TBX19: variants seen among roughly 807,000 people sequenced by gnomAD.
TBX19 encodes the protein T-box transcription factor TBX19.
Under a neutral mutation model 40.9 loss-of-function variants are expected in TBX19, and 33 were observed. That is an observed-to-expected ratio of 0.81 (90% CI 0.61 to 1.08). The LOEUF (loss-of-function observed/expected upper bound fraction) is 1.08. Among genes scored for constraint, TBX19 ranks in the 50% least tolerant of loss-of-function variants. The pLI, the probability that TBX19 is intolerant of heterozygous loss-of-function variation, is 0.00. For missense variants in TBX19, 494 were observed against 574.0 expected (o/e 0.86, Z 1.42); for synonymous variants, 220 against 225.0 (o/e 0.98, Z 0.20).
intron 1 of TBX19, among the ~76,000 whole-genome samples, chr1:168,290,508 A>G (rs376586134): frequency 6.6e-6 from 1 of 152,328 alleles, no homozygotes; most frequent in Admixed American, 6.5e-5. Flanking sequence ...AACTGGTCTC[A>G]CTTTGTACAG....
Position 168,285,261 on chromosome 1 carries a change from T to TCACA in TBX19, c.203+4004_203+4007dup, listed in dbSNP as rs36217752. On this transcript the variant is annotated intron_variant, in intron 1 of 7. Transcript: ENST00000367821. The stretch of plus-strand genomic sequence containing the variant: ...TGTCAGCATCCATGCACCATGTATG[T>TCACA]CACACACACACACACACACACACAC... Among the ~76,000 whole-genome samples, 234 of 148,166 alleles carry TCACA rather than the reference T, an allele frequency of 1.6e-3. 1 individual carries two copies. The highest frequency in any genetic ancestry group is 0.013 in the South Asian group (58 of 4,622).
chr1:168,307,382 A>G (rs1649430178), intron 6 of TBX19, among the ~76,000 whole-genome samples: 1 of 152,084 alleles, frequency 6.6e-6, no homozygotes, highest in Admixed American at 6.6e-5. Context: ...CATCACATGG[A>G]TGGTGGGGGA....
intron 6 of TBX19, among the ~76,000 whole-genome samples, chr1:168,307,442 A>G (rs1649431240): frequency 1.3e-5 from 2 of 152,130 alleles, no homozygotes; most frequent in African/African-American, 4.8e-5. Flanking sequence ...TCAGAAACCC[A>G]TTCCTGCAAT....
intron 5 of TBX19, 141 bp downstream of exon 5, chr1:168,300,624 C>T: frequency 1.2e-6 from 1 of 802,820 alleles, no homozygotes; most frequent in South Asian, 1.6e-5. Flanking sequence ...CTATTAAGGA[C>T]AAATTTGTGC....
chr1:168,298,824 T>TTTCC lies in TBX19; in HGVS notation c.665+1042_665+1043insCTTC, dbSNP rs1553289841. Among the ~76,000 whole-genome samples the TTTCC allele has an allele frequency of 1.8e-3, 24 of 13,338 alleles. 2 individuals carry two copies. Among genetic ancestry groups the TTTCC allele is most frequent in the South Asian group, 8.4e-3 (2 of 238 alleles). 8.8% of individuals were successfully genotyped at this position (13,338 alleles called of 152,430 possible). Reference sequence around the variant, plus strand: ...TCCCCTCCCTCCCTCCCTCCCTTCCTTTCTTTCTTTCTTTCTTTCTTTCTT... The same window carrying TTTCC: ...TCCCCTCCCTCCCTCCCTCCCTTCCTTTCCTTCTTTCTTTCTTTCTTTCTTTCTT... On this transcript the variant is annotated intron_variant, in intron 4 of 7. Transcript: ENST00000367821.
chr1:168,298,871 C>CTT (rs1372549195), intron 4 of TBX19, among the ~76,000 whole-genome samples: 1 of 107,076 alleles, frequency 9.3e-6, no homozygotes, highest in Non-Finnish European at 1.7e-5. Flanking sequence ...TTCTTTCTTT[C>CTT]TTTCTTTCTT....
chr1:168,290,909 C>T (rs926803742), intron 1 of TBX19, among the ~76,000 whole-genome samples: 1 of 152,112 alleles, frequency 6.6e-6, no homozygotes, highest in African/African-American at 2.4e-5. Flanking sequence ...GCTTCAGGTT[C>T]CTGTTGTGTC....
At position 168,291,397 on chromosome 1, in the gene TBX19, G is replaced by A. The variant is rs1299455966; in HGVS notation, c.441G>A (p.Leu147=). ...KAPISFSKVK[L]TNKLNGGGQI... ...CCATCTCCTTCAGCAAAGTGAAGCT[G>A]ACCAACAAGCTCAATGGAGGCGGGC... The change falls in exon 2 of 8, where the codon CTG becomes CTA. Residue 147 remains leucine, a synonymous_variant. Coordinates refer to ENST00000367821, the MANE Select transcript of TBX19 (RefSeq NM_005149.3). The A allele has an allele frequency of 1.9e-5, 30 of 1,614,072 alleles. No homozygotes were observed. The Admixed American group carries it at 4.8e-4, about 26-fold the overall frequency.
rs1299474935 is a variant in TBX19 at position 168,298,865 on chromosome 1, T to C, written c.665+1080T>C. Among the ~76,000 whole-genome samples the C allele has an allele frequency of 1.2e-4, 14 of 114,418 alleles. 2 individuals are homozygous for C. The highest frequency in any genetic ancestry group is 4.6e-4 in the African/African-American group (12 of 25,978). 75.1% of individuals were successfully genotyped at this position (114,418 alleles called of 152,430 possible). A position where few individuals can be genotyped will look rare whatever the true frequency, so the allele number is the denominator to read the frequency against. On this transcript the variant is annotated intron_variant, in intron 4 of 7. Transcript: ENST00000367821. ...TTTCTTTCTTTCTTTCTTTCTTTCTTTCTTTCTTTCTTTCTTTCTTTCTTT... is the reference window on the plus strand; with the variant it reads ...TTTCTTTCTTTCTTTCTTTCTTTCTCTCTTTCTTTCTTTCTTTCTTTCTTT...
chr1:168,282,357 C>A (rs1275523221), intron 1 of TBX19, among the ~76,000 whole-genome samples: 18 of 152,132 alleles, frequency 1.2e-4, no homozygotes, highest in Admixed American at 1.2e-3. Flanking sequence ...TGAACTATTT[C>A]TTGTCAATCT....
rs546487261 is a variant in TBX19 at position 168,290,323 on chromosome 1, A to G, written c.204-837A>G. Among the ~76,000 whole-genome samples the G allele has an allele frequency of 2.5e-4, 38 of 152,332 alleles. No homozygotes were observed. In the South Asian group the frequency reaches 7.9e-3, roughly 32 times the overall value. ...GTAGAAGAAGGATCGATGAATCTAGATCTGCATGTCTCAAAGTGTGTTCTT... is the reference window on the plus strand; with the variant it reads ...GTAGAAGAAGGATCGATGAATCTAGGTCTGCATGTCTCAAAGTGTGTTCTT... On this transcript the variant is annotated intron_variant, in intron 1 of 7. Coordinates refer to ENST00000367821, the MANE Select transcript of TBX19 (RefSeq NM_005149.3).
chr1:168,293,926 T>C (rs754162616), intron 3 of TBX19, among the ~76,000 whole-genome samples: 33 of 152,110 alleles, frequency 2.2e-4, no homozygotes, highest in Non-Finnish European at 4.9e-4. Flanking sequence ...TTAAAGACAA[T>C]ATTTATTTAT....
chr1:168,284,997 G>A (rs534894237), intron 1 of TBX19, among the ~76,000 whole-genome samples: 1 of 152,176 alleles, frequency 6.6e-6, no homozygotes, highest in East Asian at 1.9e-4. Flanking sequence ...AGTAAGGGCA[G>A]TACAAGAGAG....
Position 168,280,990 on chromosome 1 carries a change from G to C in TBX19, c.-101G>C. 2.7e-6 allele frequency: 3 copies of C among 1,114,628 alleles called. 1 individual carries two copies. The South Asian group carries it at 3.9e-5, about 15-fold the overall frequency. The allele number at this position is 1,114,628 out of a possible 1,614,324, so 69.0% of individuals were successfully genotyped here. ...AGGGTATCTTCTCTCCGCTCCCCAA[G>C]CACTGTTCAAGTGGGTTTGAAAAGC... On this transcript the variant is annotated 5_prime_UTR_variant, in exon 1 of 8. Transcript: ENST00000367821.
At chr1:168,293,780 C>T (rs1456438982) in intron 3 of TBX19, among the ~76,000 whole-genome samples, 3 of 152,080 alleles carry the variant, frequency 2.0e-5, no homozygotes, top group South Asian at 2.1e-4. Context: ...TGACTTGAGC[C>T]GCCTGGCTGT....
At chr1:168,306,871 A>G (rs190524118) in intron 6 of TBX19, among the ~76,000 whole-genome samples, 7 of 152,324 alleles carry the variant, frequency 4.6e-5, no homozygotes, top group Admixed American at 1.3e-4. Flanking sequence ...TGCCATGTGA[A>G]TGAAGGAAAA....
At chr1:168,299,180 A>G (rs1028122806) in intron 4 of TBX19, among the ~76,000 whole-genome samples, 1 of 151,792 alleles carries the variant, frequency 6.6e-6, no homozygotes, top group African/African-American at 2.4e-5. Flanking sequence ...TCGGCCTCCC[A>G]AATTGCTGAG....
chr1:168,296,675 G>A (rs1301171030), intron 3 of TBX19, among the ~76,000 whole-genome samples: 3 of 152,092 alleles, frequency 2.0e-5, no homozygotes, highest in Admixed American at 2.0e-4. Flanking sequence ...GTCTTATTTT[G>A]CTTTCCTTCT....
chr1:168,304,895 C>A, intron 5 of TBX19, 113 bp from the exon 6 acceptor site: 1 of 1,077,842 alleles, frequency 9.3e-7, no homozygotes, highest in Non-Finnish European at 1.4e-6. Flanking sequence ...ATCACACAGG[C>A]TGGCATCAGT....
Sources: allele counts gnomAD v4.1 joint callset (sites outside exome capture counted in the v4.1 genomes callset), GRCh38; gene constraint gnomAD v4.1.1; transcripts MANE v1.5; gene names NCBI Gene and HGNC (gene_info 2026-07-23, HGNC 2026-07-21).